SVOPL: variants seen among roughly 807,000 people sequenced by gnomAD.
SVOPL encodes putative transporter SVOPL.
In SVOPL, 60 loss-of-function variants were observed where a neutral mutation model predicts 61.0. The observed-to-expected ratio is 0.98, with a 90% CI of 0.80 to 1.22. SVOPL has a LOEUF of 1.22. Among genes scored for constraint, SVOPL ranks in the 50% most tolerant of loss-of-function variants. The probability of loss-of-function intolerance (pLI) is 0.00; values close to 1 mark genes in which losing one functional copy is unlikely to be tolerated. For missense variants in SVOPL, 662 were observed against 643.9 expected (o/e 1.03, Z -0.30); for synonymous variants, 279 against 250.0 (o/e 1.12, Z -1.09).
intron 14 of SVOPL, among the ~76,000 whole-genome samples, chr7:138,599,167 A>AAAAATC (rs58372563): frequency 2.5e-5 from 3 of 121,810 alleles, no homozygotes; most frequent in East Asian, 2.2e-4. Flanking sequence ...ACCAAAAAAA[A>AAAAATC]AAGAAATACA....
intron 14 of SVOPL, among the ~76,000 whole-genome samples, chr7:138,617,367 A>T (rs1432636048): frequency 2.0e-5 from 3 of 152,198 alleles, no homozygotes; most frequent in African/African-American, 7.2e-5. Flanking sequence ...AACTGGTTTA[A>T]CAGCATGTTT....
chr7:138,664,345 A>G, intron 4 of SVOPL: 3 of 640,844 alleles, frequency 4.7e-6, no homozygotes, highest in Non-Finnish European at 5.8e-6. Flanking sequence ...CTGGCCCTCC[A>G]TCGGGCGTGC....
chr7:138,660,084 T>G, intron 5 of SVOPL, 96 bp from the exon 6 acceptor site: 1 of 1,506,336 alleles, frequency 6.6e-7, no homozygotes, highest in Non-Finnish European at 8.9e-7. Flanking sequence ...TCCATCCTGA[T>G]AGTTGCTTCT....
chr7:138,638,188 G>C (rs777848361), intron 9 of SVOPL, among the ~76,000 whole-genome samples: 58 of 148,636 alleles, frequency 3.9e-4, no homozygotes, highest in African/African-American at 1.4e-3. Flanking sequence ...CAGGAGAATC[G>C]CTTGGACCCA....
intron 14 of SVOPL, among the ~76,000 whole-genome samples, chr7:138,597,768 G>A (rs557370117): frequency 1.3e-5 from 2 of 152,134 alleles, no homozygotes; most frequent in South Asian, 4.1e-4. Context: ...AATTAGGCAT[G>A]TGTCTAGATT....
intron 9 of SVOPL, among the ~76,000 whole-genome samples, chr7:138,644,197 CAAAAAAAAA>C (rs71179714): frequency 0.088 from 4,414 of 50,200 alleles, 225 homozygotes; most frequent in African/African-American, 0.22. Context: ...AAGACTCCAT[CAAAAAAAAA>C]AAAAAAAAAA....
chr7:138,664,515 G>T (rs575664420), intron 4 of SVOPL, among the ~76,000 whole-genome samples: 1 of 143,574 alleles, frequency 7.0e-6, no homozygotes, highest in African/African-American at 2.6e-5. Context: ...TTTATCGGGC[G>T]CGCGCGCCTA....
At chr7:138,647,363 A>C (rs546360401) in intron 8 of SVOPL, among the ~76,000 whole-genome samples, 1 of 152,164 alleles carries the variant, frequency 6.6e-6, no homozygotes, top group African/African-American at 2.4e-5. Context: ...CCTGGGCAAC[A>C]AGAGTGAAAC....
chr7:138,642,831 C>CAAAAAAAAAAAAAAAAAAAAAAAAA (rs749603417), intron 9 of SVOPL, among the ~76,000 whole-genome samples: 9 of 26,906 alleles, frequency 3.3e-4, no homozygotes, highest in South Asian at 3.9e-3. Flanking sequence ...CTCCTACCTC[C>CAAAAAAAAAAAAAAAAAAAAAAAAA]AAAAAAAAAA....
intron 1 of SVOPL, among the ~76,000 whole-genome samples, chr7:138,690,772 C>A (rs1443597281): frequency 6.6e-6 from 1 of 151,532 alleles, no homozygotes; most frequent in South Asian, 2.1e-4. Context: ...TTCTTTCTTT[C>A]TTTCTTTCTT....
intron 4 of SVOPL, among the ~76,000 whole-genome samples, chr7:138,668,671 CCTGGTGCCA>C (rs1376161062): frequency 6.6e-6 from 1 of 152,122 alleles, no homozygotes. Context: ...GGGAATTTTC[CCTGGTGCCA>C]CCCCCAAAGA....
chr7:138,661,252 C>T (rs1463171515), intron 5 of SVOPL: 3 of 985,244 alleles, frequency 3.0e-6, no homozygotes, highest in Non-Finnish European at 3.6e-6. Flanking sequence ...GTCTTGATGT[C>T]TAATCTTAGT....
chr7:138,699,711 C>T (rs1194644603), intron 1 of SVOPL, among the ~76,000 whole-genome samples: 2 of 152,084 alleles, frequency 1.3e-5, no homozygotes, highest in Non-Finnish European at 2.9e-5. Flanking sequence ...CTTCCAAAGG[C>T]ATAGTTGGTG....
chr7:138,625,544 C>A (rs1799853597), intron 13 of SVOPL, among the ~76,000 whole-genome samples: 1 of 152,002 alleles, frequency 6.6e-6, no homozygotes, highest in Admixed American at 6.6e-5. Context: ...AAGAATAAAT[C>A]AAGATTATAT....
chr7:138,696,703 C>T (rs1223189109), intron 1 of SVOPL, among the ~76,000 whole-genome samples: 1 of 152,074 alleles, frequency 6.6e-6, no homozygotes, highest in East Asian at 1.9e-4. Flanking sequence ...GGATTACAGG[C>T]GTGAGCCACC....
In SVOPL at chr7:138,596,834, G is replaced by A. The variant is rs753112744; in HGVS notation, c.1354-304C>T. On this transcript the variant is annotated intron_variant, in intron 14 of 15. Coordinates refer to ENST00000674285, the MANE Select transcript of SVOPL (RefSeq NM_001139456.2). The stretch of plus-strand genomic sequence containing the variant: ...TATGGAAAAGATGGGGGATCTGCCC[G>A]TTTCCCCACCCCCTTTCTCATACCA... 295 of 1,105,882 alleles carry A rather than the reference G, an allele frequency of 2.7e-4. No homozygotes were observed. In the South Asian group the frequency reaches 2.8e-3, roughly 10 times the overall value. The allele number at this position is 1,105,882 out of a possible 1,614,324, so 68.5% of individuals were successfully genotyped here. A position where few individuals can be genotyped will look rare whatever the true frequency, so the allele number is the denominator to read the frequency against.
intron 1 of SVOPL, among the ~76,000 whole-genome samples, chr7:138,682,173 TA>T (rs1261956614): frequency 6.6e-6 from 1 of 152,128 alleles, no homozygotes; most frequent in Non-Finnish European, 1.5e-5. Context: ...TTGCACCTTC[TA>T]AAAAAATAAT....
chr7:138,612,447 T>TAAAAAAAAAAAAAAAAAAAAA (rs59229265), intron 14 of SVOPL, among the ~76,000 whole-genome samples: 2 of 22,298 alleles, frequency 9.0e-5, no homozygotes, highest in Admixed American at 4.6e-4. Flanking sequence ...AAAAAAAAAA[T>TAAAAAAAAAAAAAAAAAAAAA]AAAAAAAAAA....
intron 10 of SVOPL, among the ~76,000 whole-genome samples, chr7:138,629,830 G>A (rs1036700352): frequency 6.6e-6 from 1 of 152,160 alleles, no homozygotes. Flanking sequence ...TTAAGAACTG[G>A]TTGAAGACAA....
Sources: gnomAD v4.1 joint callset for allele counts (sites outside exome capture counted in the v4.1 genomes callset) on GRCh38, gnomAD v4.1.1 for gene constraint, MANE v1.5 for transcripts, NCBI Gene and HGNC (gene_info 2026-07-23, HGNC 2026-07-21) for gene names.